CCDC6: variants seen among roughly 807,000 people sequenced by gnomAD.
The protein encoded by CCDC6 is coiled-coil domain-containing protein 6.
In CCDC6, 20 loss-of-function variants were observed where a neutral mutation model predicts 56.6. The ratio of observed to expected loss-of-function variants is 0.35; its 90% CI spans 0.25 to 0.51. The LOEUF (loss-of-function observed/expected upper bound fraction) is 0.51. CCDC6 is among the 20% of genes least tolerant of loss of function. The pLI is 0.95. For missense variants in CCDC6, 367 were observed against 601.1 expected, an observed-to-expected ratio of 0.61 and a Z score of 4.07; for synonymous variants, 241 against 234.4, an observed-to-expected ratio of 1.03 and a Z score of -0.26.
At position 59,804,544 on chromosome 10, in the gene CCDC6, A is replaced by T. The variant is rs371756346; in HGVS notation, c.1005-24T>A. On this transcript the variant is annotated intron_variant, in intron 6 of 8. Transcript: ENST00000263102. ...ACCTAAGAGGAGAGAGGAGGAAACG[A>T]TAAAACCACCTGCATTTAAATAGGC... 1.6e-5 allele frequency: 21 copies of T among 1,351,592 alleles called. No homozygotes were observed. In the African/African-American group the frequency reaches 2.9e-4, roughly 18 times the overall value. 83.7% of individuals were successfully genotyped at this position (1,351,592 alleles called of 1,614,324 possible). A position where few individuals can be genotyped will look rare whatever the true frequency, so the allele number is the denominator to read the frequency against.
At chr10:59,878,387 T>C (rs2071302424) in intron 1 of CCDC6, among the ~76,000 whole-genome samples, 3 of 152,194 alleles carry the variant, frequency 2.0e-5, no homozygotes, top group Non-Finnish European at 4.4e-5. Context: ...ATCCAAGCAC[T>C]CCTCTTCACC....
intron 1 of CCDC6, among the ~76,000 whole-genome samples, chr10:59,880,059 G>A (rs2071319796): frequency 6.6e-6 from 1 of 152,060 alleles, no homozygotes; most frequent in South Asian, 2.1e-4. Flanking sequence ...AAGAGAAAAT[G>A]TCTCTGGCAG....
intron 1 of CCDC6, among the ~76,000 whole-genome samples, chr10:59,884,826 G>A (rs992487101): frequency 6.6e-6 from 1 of 152,214 alleles, no homozygotes; most frequent in Non-Finnish European, 1.5e-5. Context: ...CACTTTGGGA[G>A]GCCGAGGCGG....
intron 1 of CCDC6, among the ~76,000 whole-genome samples, chr10:59,855,673 G>C (rs2071076048): frequency 6.6e-6 from 1 of 152,146 alleles, no homozygotes; most frequent in African/African-American, 2.4e-5. Context: ...AAATGTTCTG[G>C]AATTAGGGCT....
At chr10:59,893,964 A>G (rs1431551863) in intron 1 of CCDC6, among the ~76,000 whole-genome samples, 1 of 152,138 alleles carries the variant, frequency 6.6e-6, no homozygotes, top group East Asian at 1.9e-4. Context: ...CATGTCTTTC[A>G]TCTGTGACAC....
At chr10:59,795,254 T>C (rs1245887568) in intron 7 of CCDC6, among the ~76,000 whole-genome samples, 1 of 152,066 alleles carries the variant, frequency 6.6e-6, no homozygotes, top group Non-Finnish European at 1.5e-5. Context: ...GTAACTCCTA[T>C]GACTCAAAGC....
intron 1 of CCDC6, among the ~76,000 whole-genome samples, chr10:59,880,157 C>T (rs535484462): frequency 1.4e-3 from 220 of 151,882 alleles, no homozygotes; most frequent in Non-Finnish European, 2.5e-3. Context: ...TCCTCTATAC[C>T]AAGAACTCTG....
chr10:59,822,992 C>G (rs778633689), intron 3 of CCDC6, among the ~76,000 whole-genome samples: 1 of 152,036 alleles, frequency 6.6e-6, no homozygotes, highest in Non-Finnish European at 1.5e-5. Flanking sequence ...AGCTTGCTGG[C>G]GTAACTTTGG....
intron 2 of CCDC6, among the ~76,000 whole-genome samples, chr10:59,833,727 A>G (rs542429262): frequency 1.4e-4 from 22 of 152,088 alleles, no homozygotes; most frequent in Admixed American, 4.6e-4. Context: ...ACTAAAAACA[A>G]TGAAGCACAC....
chr10:59,906,194 C>T lies in CCDC6; in HGVS notation c.231G>A (p.Leu77=). ...CCTTGCACTTCAGTTTGTAGGTCTCCAGCTCTATCTTCAGCACCTTGTTCT... is the reference window on the plus strand; with the variant it reads ...CCTTGCACTTCAGTTTGTAGGTCTCTAGCTCTATCTTCAGCACCTTGTTCT... ...QQENKVLKIE[L]ETYKLKCKAL... Residue 77 remains leucine (L), a synonymous_variant, in exon 1 of 9, where the codon CTG becomes CTA. Transcript: ENST00000263102. The T allele has an allele frequency of 1.9e-6, 3 of 1,612,796 alleles. No homozygotes were observed. The highest frequency in any genetic ancestry group is 2.5e-6 in the Non-Finnish European group (3 of 1,179,522).
In CCDC6 at chr10:59,792,101, G is replaced by C; in HGVS notation, c.*816C>G. The C allele has an allele frequency of 4.3e-6, 1 of 230,650 alleles. No individual in the cohort carries two copies. Among genetic ancestry groups the C allele is most frequent in the Non-Finnish European group, 8.6e-6 (1 of 116,178 alleles). 14.3% of individuals were successfully genotyped at this position (230,650 alleles called of 1,614,324 possible). A position where few individuals can be genotyped will look rare whatever the true frequency, so the allele number is the denominator to read the frequency against. ...TACAATCACACTGCCTTCTGCAGCA[G>C]AAATCAAATAACACATTCTAATTAG... is the stretch of plus-strand genomic sequence containing the variant. On this transcript the variant is annotated 3_prime_UTR_variant, in exon 9 of 9. Transcript: ENST00000263102.
intron 7 of CCDC6, among the ~76,000 whole-genome samples, chr10:59,800,599 G>C (rs1227602094): frequency 6.9e-6 from 1 of 145,536 alleles, no homozygotes; most frequent in African/African-American, 2.6e-5. Context: ...ATTACATTTA[G>C]CCTTGTATTA....
intron 5 of CCDC6, among the ~76,000 whole-genome samples, chr10:59,807,944 A>C (rs755163986): frequency 1.6e-4 from 25 of 152,236 alleles, no homozygotes; most frequent in Non-Finnish European, 2.9e-4. Flanking sequence ...TTTCACGAGA[A>C]TAGACATTGA....
intron 1 of CCDC6, among the ~76,000 whole-genome samples, chr10:59,877,144 C>G (rs911129133): frequency 6.6e-6 from 1 of 152,178 alleles, no homozygotes; most frequent in African/African-American, 2.4e-5. Flanking sequence ...AATGCCATTA[C>G]GCAGTGCATA....
chr10:59,805,831 A>G (rs777176231), intron 6 of CCDC6, among the ~76,000 whole-genome samples: 1 of 152,186 alleles, frequency 6.6e-6, no homozygotes, highest in African/African-American at 2.4e-5. Context: ...GATAATCTTA[A>G]ATTTTTAACA....
At chr10:59,797,589 A>C (rs1294225647) in intron 7 of CCDC6, among the ~76,000 whole-genome samples, 1 of 46,404 alleles carries the variant, frequency 2.2e-5, no homozygotes, top group African/African-American at 1.0e-4. Flanking sequence ...ACCTCCTAGC[A>C]AAAAAAAAAA....
In CCDC6 at chr10:59,794,596, A is replaced by G; in HGVS notation, c.1107T>C (p.Gly369=). 6.2e-7 allele frequency: 1 copy of G among 1,613,518 alleles called. No homozygotes were observed. Among genetic ancestry groups the G allele is most frequent in the Non-Finnish European group, 8.5e-7 (1 of 1,179,556 alleles). Residue 369 remains glycine, a splice_region_variant and synonymous_variant, in exon 8 of 9, where the codon GGT becomes GGC. Transcript: ENST00000263102. The stretch of plus-strand genomic sequence containing the variant: ...CAACCGTGTGACTTGCATATGATAG[A>G]CCTAAAATATAACAACAAATTAAGT... ...SPSSSRPISP[G]LSYASHTVGF...
At chr10:59,832,871 G>C (rs773955472) in intron 2 of CCDC6, among the ~76,000 whole-genome samples, 1 of 152,172 alleles carries the variant, frequency 6.6e-6, no homozygotes, top group Non-Finnish European at 1.5e-5. Context: ...TTTGTGTTTT[G>C]CAATATACTT....
chr10:59,826,561 C>G (rs2070789125), intron 3 of CCDC6, among the ~76,000 whole-genome samples: 1 of 152,182 alleles, frequency 6.6e-6, no homozygotes, highest in South Asian at 2.1e-4. Flanking sequence ...CCAGGCTTCT[C>G]AAGGCCAGGG....
Sources: gnomAD v4.1 joint callset for allele counts (sites outside exome capture counted in the v4.1 genomes callset) on GRCh38, gnomAD v4.1.1 for gene constraint, MANE v1.5 for transcripts, NCBI Gene and HGNC (gene_info 2026-07-23, HGNC 2026-07-21) for gene names.